Variants in DMD observed in about 807,000 individuals in gnomAD.
DMD encodes dystrophin, also known as mutant dystrophin.
In DMD, 63 loss-of-function variants were observed where a neutral mutation model predicts 330.1. The observed-to-expected ratio is 0.19, with a 90% CI of 0.16 to 0.24. DMD has a LOEUF of 0.24. DMD is among the 10% of genes least tolerant of loss of function. DMD has a pLI of 1.00. For synonymous variants in DMD, 1,223 were observed against 959.8 expected (o/e 1.27, Z -5.07); for missense variants, 3,344 against 2,684.1 (o/e 1.25, Z -5.43).
chrX:32,309,000 G>A (rs1428475927), intron 42 of DMD, among the ~76,000 whole-genome samples: 2 of 111,203 alleles, frequency 1.8e-5, no homozygotes, highest in Non-Finnish European at 3.8e-5. Context: ...GTACCAATAA[G>A]TGATTTGACT....
intron 1 of DMD, among the ~76,000 whole-genome samples, chrX:33,116,796 G>A (rs1417607305): frequency 9.0e-6 from 1 of 111,136 alleles, no homozygotes; most frequent in African/African-American, 3.3e-5. Context: ...CAGAAAGGGG[G>A]AATCAGACTA....
chrX:33,117,239 C>T (rs1257487256), intron 1 of DMD, among the ~76,000 whole-genome samples: 1 of 110,789 alleles, frequency 9.0e-6, no homozygotes, highest in African/African-American at 3.3e-5. Context: ...AAATGCTGGT[C>T]GAAGGATAGA....
At chrX:32,460,699 G>A (rs142965687) in intron 25 of DMD, among the ~76,000 whole-genome samples, 9 of 110,922 alleles carry the variant, frequency 8.1e-5, no homozygotes, top group African/African-American at 2.6e-4. Context: ...ACAACAAATT[G>A]TCAAGTTCCT....
intron 2 of DMD, among the ~76,000 whole-genome samples, chrX:32,943,234 A>G (rs2090553164): frequency 8.9e-6 from 1 of 111,884 alleles, no homozygotes; most frequent in Non-Finnish European, 1.9e-5. Flanking sequence ...TCATGTACAG[A>G]TAATTTGATT....
intron 52 of DMD, among the ~76,000 whole-genome samples, chrX:31,681,891 C>T (rs1160555877): frequency 3.6e-5 from 4 of 111,739 alleles, no homozygotes; most frequent in Non-Finnish European, 5.6e-5. Flanking sequence ...GTCAGGAGTT[C>T]GAGACCAGCC....
chrX:32,296,845 A>G (rs1025304850), intron 42 of DMD, among the ~76,000 whole-genome samples: 2 of 112,318 alleles, frequency 1.8e-5, no homozygotes, highest in East Asian at 5.6e-4. Context: ...CAGTATTTCG[A>G]TGATATTCTG....
chrX:31,755,027 T>C (rs1194781813), intron 51 of DMD, among the ~76,000 whole-genome samples: 1 of 111,967 alleles, frequency 8.9e-6, no homozygotes, highest in Non-Finnish European at 1.9e-5. Context: ...ATACTTATAT[T>C]CTGATGTGCA....
intron 47 of DMD, among the ~76,000 whole-genome samples, chrX:31,924,981 G>A (rs1281079239): frequency 9.0e-6 from 1 of 111,554 alleles, no homozygotes; most frequent in Non-Finnish European, 1.9e-5. Context: ...AATGCATAAC[G>A]TACACCACCT....
chrX:31,818,357 T>C (rs2092682529), intron 50 of DMD, among the ~76,000 whole-genome samples: 1 of 112,015 alleles, frequency 8.9e-6, no homozygotes, highest in Non-Finnish European at 1.9e-5. Flanking sequence ...ATTATATATG[T>C]TGCTGGAAGT....
intron 1 of DMD, among the ~76,000 whole-genome samples, chrX:33,098,127 C>G (rs1380410590): frequency 8.9e-6 from 1 of 111,778 alleles, no homozygotes; most frequent in African/African-American, 3.3e-5. Context: ...CATATTTGGA[C>G]TGCAACACAT....
intron 2 of DMD, among the ~76,000 whole-genome samples, chrX:32,863,526 G>C (rs868504833): frequency 9.9e-5 from 5 of 50,637 alleles, no homozygotes; most frequent in Non-Finnish European, 1.5e-4. Flanking sequence ...AAAAAAAAAA[G>C]ATTGTGTTTA....
chrX:32,371,542 T>A (rs913798271), intron 34 of DMD, among the ~76,000 whole-genome samples: 1 of 111,489 alleles, frequency 9.0e-6, no homozygotes, highest in African/African-American at 3.3e-5. Flanking sequence ...CTTTGATGCT[T>A]AAAACAAAAT....
chrX:31,171,568 T>C (rs2039999712), intron 73 of DMD, among the ~76,000 whole-genome samples: 1 of 111,767 alleles, frequency 8.9e-6, no homozygotes, highest in Non-Finnish European at 1.9e-5. Flanking sequence ...CCTTATTTTT[T>C]CCTTCATATT....
chrX:32,033,033 A>G (rs1417463218), intron 44 of DMD, among the ~76,000 whole-genome samples: 1 of 112,553 alleles, frequency 8.9e-6, no homozygotes, highest in South Asian at 3.6e-4. Context: ...TATATACACA[A>G]TGGAATACTA....
intron 37 of DMD, among the ~76,000 whole-genome samples, chrX:32,360,525 C>T (rs759438256): frequency 1.7e-3 from 188 of 111,089 alleles, no homozygotes; most frequent in African/African-American, 5.9e-3. Flanking sequence ...CAGTGGTTCA[C>T]GCTTGTAATC....
chrX:31,942,661 C>A (rs759100125), intron 45 of DMD, among the ~76,000 whole-genome samples: 11 of 111,496 alleles, frequency 9.9e-5, no homozygotes, highest in Non-Finnish European at 1.7e-4. Flanking sequence ...AATTAGACAT[C>A]CCCAACCCAG....
At chrX:33,235,428 A>G (rs2052458908) in intron 1 of DMD, among the ~76,000 whole-genome samples, 1 of 112,016 alleles carries the variant, frequency 8.9e-6, no homozygotes, top group Admixed American at 9.5e-5. Flanking sequence ...TTCTGAGATG[A>G]CATTTCACAT....
chrX:32,504,896 AAAAAT>A (rs1162059428), intron 18 of DMD, among the ~76,000 whole-genome samples: 1 of 111,797 alleles, frequency 8.9e-6, no homozygotes, highest in Non-Finnish European at 1.9e-5. Context: ...TGAAATTATA[AAAAAT>A]AAAATAAAAA....
intron 41 of DMD, among the ~76,000 whole-genome samples, chrX:32,335,805 G>T (rs919052417): frequency 3.0e-5 from 3 of 101,470 alleles, no homozygotes; most frequent in African/African-American, 1.1e-4. Context: ...TATATAACAC[G>T]TGTATATATG....
Sources: allele counts gnomAD v4.1 joint callset (sites outside exome capture counted in the v4.1 genomes callset), GRCh38; gene constraint gnomAD v4.1.1; transcripts MANE v1.5; gene names NCBI Gene and HGNC (gene_info 2026-07-23, HGNC 2026-07-21).